ATP8A2: variants seen among roughly 807,000 people sequenced by gnomAD.
ATP8A2 encodes the protein phospholipid-transporting ATPase IB.
Under a neutral mutation model 165.6 loss-of-function variants are expected in ATP8A2, and 100 were observed. That is an observed-to-expected ratio of 0.60 (90% CI 0.51 to 0.71). ATP8A2 has a LOEUF of 0.71. Among genes scored for constraint, ATP8A2 ranks in the 30% least tolerant of loss-of-function variants. The pLI is 0.00. For synonymous variants in ATP8A2, 543 were observed against 548.8 expected, an observed-to-expected ratio of 0.99 and a Z score of 0.15; for missense variants, 1,227 against 1,479.5, an observed-to-expected ratio of 0.83 and a Z score of 2.80.
chr13:25,468,352 G>A (rs577075638), intron 1 of ATP8A2, among the ~76,000 whole-genome samples: 1 of 152,234 alleles, frequency 6.6e-6, no homozygotes, highest in African/African-American at 2.4e-5. Flanking sequence ...CATGTAGGGA[G>A]AAGAGCAGCG....
At chr13:25,744,613 C>A (rs998374240) in intron 25 of ATP8A2, among the ~76,000 whole-genome samples, 14 of 152,088 alleles carry the variant, frequency 9.2e-5, no homozygotes, top group African/African-American at 3.1e-4. Flanking sequence ...AGATTGGGAG[C>A]AACAAGATGG....
rs772487946 is a variant in ATP8A2 at position 25,488,895 on chromosome 13, G to A, written c.221+19774G>A. On this transcript the variant is annotated intron_variant, in intron 2 of 36. Coordinates refer to ENST00000381655, the MANE Select transcript of ATP8A2 (RefSeq NM_016529.6). Reference sequence around the variant, plus strand: ...CCACCCCCCACCCCCCATTTTTGCTGTCTGGTTGACTTTACCATTTGCATC... The same window carrying A: ...CCACCCCCCACCCCCCATTTTTGCTATCTGGTTGACTTTACCATTTGCATC... Among the ~76,000 whole-genome samples, 13 of 127,056 alleles carry A rather than the reference G, an allele frequency of 1.0e-4. 1 individual carries two copies. Among genetic ancestry groups the A allele is most frequent in the Non-Finnish European group, 1.7e-4 (11 of 63,362 alleles). The allele number at this position is 127,056 out of a possible 152,430, so 83.4% of individuals were successfully genotyped here.
At chr13:25,483,811 G>C (rs999726055) in intron 2 of ATP8A2, among the ~76,000 whole-genome samples, 1 of 152,222 alleles carries the variant, frequency 6.6e-6, no homozygotes, top group Non-Finnish European at 1.5e-5. Context: ...CTCACACAGA[G>C]TTGCTCATTG....
At chr13:25,860,422 T>A (rs1952312493) in intron 31 of ATP8A2, among the ~76,000 whole-genome samples, 166 bp downstream of exon 31, 1 of 152,192 alleles carries the variant, frequency 6.6e-6, no homozygotes, top group East Asian at 1.9e-4. Flanking sequence ...AATGCTTACA[T>A]CATCGTTTCT....
intron 1 of ATP8A2, among the ~76,000 whole-genome samples, chr13:25,464,850 T>C (rs944717167): frequency 1.3e-5 from 2 of 152,220 alleles, no homozygotes; most frequent in Non-Finnish European, 1.5e-5. Flanking sequence ...TACTGGGTGC[T>C]AGGCATGATC....
At chr13:25,636,434 A>G (rs886832810) in intron 24 of ATP8A2, among the ~76,000 whole-genome samples, 2 of 152,188 alleles carry the variant, frequency 1.3e-5, no homozygotes, top group African/African-American at 4.8e-5. Flanking sequence ...TGTGATGAAG[A>G]TTGTCATTGA....
intron 24 of ATP8A2, among the ~76,000 whole-genome samples, chr13:25,626,467 A>G (rs1403910715): frequency 6.6e-6 from 1 of 152,116 alleles, no homozygotes; most frequent in African/African-American, 2.4e-5. Flanking sequence ...GTCTAATCCT[A>G]ATTACCTCCT....
intron 24 of ATP8A2, among the ~76,000 whole-genome samples, chr13:25,616,066 G>A (rs2040815334): frequency 6.6e-6 from 1 of 152,040 alleles, no homozygotes; most frequent in Non-Finnish European, 1.5e-5. Context: ...CCTCCTGTCT[G>A]TGATTTTCTC....
chr13:25,964,985 C>T (rs992437361), intron 34 of ATP8A2, among the ~76,000 whole-genome samples: 2 of 152,114 alleles, frequency 1.3e-5, no homozygotes, highest in African/African-American at 4.8e-5. Context: ...CATGGTGAAA[C>T]CCTGTCTCTA....
chr13:26,015,300 G>T (rs181262922), intron 36 of ATP8A2, among the ~76,000 whole-genome samples: 16 of 152,274 alleles, frequency 1.1e-4, no homozygotes, highest in Middle Eastern at 3.4e-3. Flanking sequence ...GTCCTGGGGT[G>T]CAGGATGGGC....
At chr13:25,666,903 G>A (rs2042166284) in intron 24 of ATP8A2, among the ~76,000 whole-genome samples, 2 of 152,140 alleles carry the variant, frequency 1.3e-5, no homozygotes, top group South Asian at 2.1e-4. Flanking sequence ...AAAGAAATAA[G>A]TGTGGTTGTT....
chr13:26,011,731 T>G (rs1956852689), intron 35 of ATP8A2, among the ~76,000 whole-genome samples: 1 of 152,138 alleles, frequency 6.6e-6, no homozygotes, highest in African/African-American at 2.4e-5. Flanking sequence ...GCCAGGAGTT[T>G]GAGACCAGCT....
chr13:25,499,265 T>C (rs1016069007), intron 2 of ATP8A2, among the ~76,000 whole-genome samples: 11 of 152,148 alleles, frequency 7.2e-5, no homozygotes, highest in Non-Finnish European at 1.0e-4. Flanking sequence ...GAAACAAACC[T>C]AGAGGGAGAT....
chr13:25,921,658 T>A (rs1954463408), intron 33 of ATP8A2, among the ~76,000 whole-genome samples: 2 of 151,738 alleles, frequency 1.3e-5, no homozygotes, highest in African/African-American at 4.8e-5. Context: ...TGAGTTGAAG[T>A]TCATATTTTG....
At chr13:25,905,103 T>C (rs987074834) in intron 33 of ATP8A2, among the ~76,000 whole-genome samples, 1 of 151,942 alleles carries the variant, frequency 6.6e-6, no homozygotes, top group Non-Finnish European at 1.5e-5. Flanking sequence ...TCACCCATTG[T>C]CATGTTATTA....
In ATP8A2 at chr13:26,010,351, C is replaced by G. The variant is rs535952630; in HGVS notation, c.3378-2180C>G. On this transcript the variant is annotated intron_variant, in intron 35 of 36. Transcript: ENST00000381655. ...GGGATGGCCAGGGTGGTTCAGGAGG[C>G]ATGTCCCTGTGGTCCAGGGGCATGG... is the stretch of plus-strand genomic sequence containing the variant. 5.9e-5 allele frequency among the ~76,000 whole-genome samples: 9 copies of G among 152,304 alleles called. No homozygotes were observed. In the South Asian group the frequency reaches 1.4e-3, roughly 25 times the overall value.
chr13:25,540,094 T>A (rs2038421952), intron 7 of ATP8A2, among the ~76,000 whole-genome samples: 1 of 152,214 alleles, frequency 6.6e-6, no homozygotes, highest in Admixed American at 6.5e-5. Context: ...TATGTGGGGC[T>A]TACAAAGGCA....
At chr13:25,759,784 A>G (rs374092046) in intron 25 of ATP8A2, among the ~76,000 whole-genome samples, 1 of 152,152 alleles carries the variant, frequency 6.6e-6, no homozygotes, top group Admixed American at 6.5e-5. Context: ...GATTTCAGTG[A>G]CTATAAAACT....
At chr13:25,570,304 C>T (rs564788340) in intron 16 of ATP8A2, among the ~76,000 whole-genome samples, 35 of 152,148 alleles carry the variant, frequency 2.3e-4, no homozygotes, top group African/African-American at 8.0e-4. Context: ...CACACGCTTC[C>T]GGAGGATCTT....
Sources: gnomAD v4.1 joint callset for allele counts (sites outside exome capture counted in the v4.1 genomes callset) on GRCh38, gnomAD v4.1.1 for gene constraint, MANE v1.5 for transcripts, NCBI Gene and HGNC (gene_info 2026-07-23, HGNC 2026-07-21) for gene names.